The following NKAIN2 variants were observed in gnomAD, a reference collection of about 807,000 sequenced individuals.
The protein encoded by NKAIN2 is sodium/potassium transporting ATPase interacting 2, also known as sodium/potassium-transporting ATPase subunit beta-1-interacting protein 2.
A neutral mutation model predicts 32.6 loss-of-function variants in NKAIN2; 14 were observed. The ratio of observed to expected loss-of-function variants is 0.43; its 90% CI spans 0.28 to 0.67. NKAIN2 has a LOEUF of 0.67. Among genes scored for constraint, NKAIN2 ranks in the 30% least tolerant of loss-of-function variants. The probability of loss-of-function intolerance (pLI) is 0.17; values close to 1 mark genes in which losing one functional copy is unlikely to be tolerated. For synonymous variants in NKAIN2, 80 were observed against 87.2 expected, an observed-to-expected ratio of 0.92 and a Z score of 0.46; for missense variants, 198 against 258.3, an observed-to-expected ratio of 0.77 and a Z score of 1.60.
At chr6:124,305,345 T>C (rs1283453515) in intron 2 of NKAIN2, among the ~76,000 whole-genome samples, 2 of 152,154 alleles carry the variant, frequency 1.3e-5, no homozygotes, top group Non-Finnish European at 2.9e-5. Context: ...AATTAGGCTG[T>C]GGTCTTGAGA....
chr6:124,396,718 G>A (rs1219290683), intron 3 of NKAIN2, among the ~76,000 whole-genome samples: 1 of 152,154 alleles, frequency 6.6e-6, no homozygotes, highest in African/African-American at 2.4e-5. Context: ...TACAGATATT[G>A]TTGAATTAGA....
chr6:124,575,295 T>C (rs575793), intron 3 of NKAIN2, among the ~76,000 whole-genome samples: 22,221 of 152,138 alleles, frequency 0.15, 1,839 homozygotes, highest in Middle Eastern at 0.23. Context: ...CTATGTACAA[T>C]GTATGTTATT....
At chr6:124,189,454 A>C (rs1338204721) in intron 1 of NKAIN2, among the ~76,000 whole-genome samples, 2 of 152,126 alleles carry the variant, frequency 1.3e-5, no homozygotes, top group Admixed American at 6.5e-5. Context: ...TAATCCCAGC[A>C]CTTTGGGAGG....
At chr6:124,816,764 G>A (rs1781184916) in intron 5 of NKAIN2, among the ~76,000 whole-genome samples, 1 of 152,148 alleles carries the variant, frequency 6.6e-6, no homozygotes, top group African/African-American at 2.4e-5. Context: ...TAGGAAAGAA[G>A]TAATGGGTGT....
intron 3 of NKAIN2, among the ~76,000 whole-genome samples, chr6:124,629,379 T>C (rs1397803794): frequency 6.6e-6 from 1 of 152,134 alleles, no homozygotes; most frequent in Non-Finnish European, 1.5e-5. Flanking sequence ...GCTGTTGCCT[T>C]TAGAAGGCTC....
At chr6:124,395,548 C>T (rs1773341263) in intron 3 of NKAIN2, among the ~76,000 whole-genome samples, 1 of 152,146 alleles carries the variant, frequency 6.6e-6, no homozygotes, top group Non-Finnish European at 1.5e-5. Flanking sequence ...TTGAGATACT[C>T]ATGGATGTCT....
intron 1 of NKAIN2, among the ~76,000 whole-genome samples, chr6:123,970,657 T>C (rs139572211): frequency 6.6e-6 from 1 of 152,188 alleles, no homozygotes; most frequent in African/African-American, 2.4e-5. Flanking sequence ...GGAGGGCAGA[T>C]TGCCTGAGCT....
intron 3 of NKAIN2, among the ~76,000 whole-genome samples, chr6:124,378,452 A>G (rs1170699629): frequency 6.6e-6 from 1 of 152,124 alleles, no homozygotes; most frequent in Non-Finnish European, 1.5e-5. Context: ...GCACTGAAGG[A>G]CATCCTGTTC....
At chr6:124,504,167 C>G (rs999454970) in intron 3 of NKAIN2, among the ~76,000 whole-genome samples, 1 of 152,050 alleles carries the variant, frequency 6.6e-6, no homozygotes, top group African/African-American at 2.4e-5. Flanking sequence ...ACAATATACA[C>G]CAGTATAGCA....
intron 2 of NKAIN2, among the ~76,000 whole-genome samples, chr6:124,288,540 C>T (rs887957947): frequency 1.1e-4 from 16 of 152,152 alleles, no homozygotes; most frequent in Non-Finnish European, 2.2e-4. Context: ...TTTATTCATG[C>T]GGGAAAACAA....
chr6:123,915,766 G>A (rs952585776), intron 1 of NKAIN2, among the ~76,000 whole-genome samples: 4 of 152,114 alleles, frequency 2.6e-5, no homozygotes, highest in Non-Finnish European at 5.9e-5. Context: ...GTGTATGTAA[G>A]ATTTGGTAAA....
At chr6:123,882,622 T>C (rs1375017937) in intron 1 of NKAIN2, among the ~76,000 whole-genome samples, 1 of 152,192 alleles carries the variant, frequency 6.6e-6, no homozygotes. Flanking sequence ...TACATTTGAG[T>C]GAAAATGCAA....
chr6:123,988,441 A>G (rs1779251445), intron 1 of NKAIN2, among the ~76,000 whole-genome samples: 1 of 152,118 alleles, frequency 6.6e-6, no homozygotes, highest in Non-Finnish European at 1.5e-5. Flanking sequence ...GCTTGTTGGT[A>G]CTCTCAGATA....
chr6:124,791,315 T>C, intron 4 of NKAIN2, 24 bp from the exon 5 acceptor site: 1 of 1,598,174 alleles, frequency 6.3e-7, no homozygotes, highest in East Asian at 2.2e-5. Context: ...TTCTGATGTC[T>C]AAAGCATCTC....
chr6:124,707,844 C>A (rs1775183509), intron 4 of NKAIN2, among the ~76,000 whole-genome samples: 2 of 152,070 alleles, frequency 1.3e-5, no homozygotes, highest in Non-Finnish European at 1.5e-5. Flanking sequence ...TCTTTAGTTT[C>A]ATTAGATCCC....
intron 1 of NKAIN2, among the ~76,000 whole-genome samples, chr6:123,904,538 T>C (rs956963272): frequency 1.3e-5 from 2 of 152,216 alleles, no homozygotes; most frequent in African/African-American, 4.8e-5. Context: ...TCAGCCTTGC[T>C]TTAATGGTTT....
chr6:124,554,728 G>C, intron 3 of NKAIN2, among the ~76,000 whole-genome samples: 1 of 152,172 alleles, frequency 6.6e-6, no homozygotes, highest in East Asian at 1.9e-4. Flanking sequence ...TACAACTTTT[G>C]TCATTTCAAA....
chr6:124,683,457 T>C (rs935875349), intron 4 of NKAIN2, among the ~76,000 whole-genome samples: 4 of 152,202 alleles, frequency 2.6e-5, no homozygotes, highest in African/African-American at 7.2e-5. Context: ...CTCAGAGAAG[T>C]TGCTTTTCCT....
intron 1 of NKAIN2, among the ~76,000 whole-genome samples, chr6:123,962,501 G>A (rs746458743): frequency 3.3e-5 from 5 of 152,084 alleles, no homozygotes; most frequent in Admixed American, 1.3e-4. Context: ...TTTGAGCTAC[G>A]AGTTCTACTT....
Sources: allele counts gnomAD v4.1 joint callset (sites outside exome capture counted in the v4.1 genomes callset), GRCh38; gene constraint gnomAD v4.1.1; transcripts MANE v1.5; gene names NCBI Gene and HGNC (gene_info 2026-07-23, HGNC 2026-07-21).